Variants in DCAF6 observed in about 807,000 individuals in gnomAD.
DCAF6 encodes DDB1- and CUL4-associated factor 6.
A neutral mutation model predicts 125.1 loss-of-function variants in DCAF6; 54 were observed. The observed-to-expected ratio is 0.43, with a 90% CI of 0.35 to 0.54. The LOEUF (loss-of-function observed/expected upper bound fraction) is 0.54, where lower values mean the gene tolerates loss of function less well. Ranked by LOEUF, DCAF6 falls within the 20% of genes least tolerant of loss-of-function variation. The pLI is 0.01. For missense variants in DCAF6, 934 were observed against 1,161.7 expected, an observed-to-expected ratio of 0.80 and a Z score of 2.85; for synonymous variants, 371 against 390.4, an observed-to-expected ratio of 0.95 and a Z score of 0.58.
intron 5 of DCAF6, among the ~76,000 whole-genome samples, chr1:167,989,797 C>T (rs981996237): frequency 2.0e-5 from 3 of 151,800 alleles, no homozygotes; most frequent in Non-Finnish European, 4.4e-5. Flanking sequence ...TGGAGAATCT[C>T]TTGAACCCAG....
chr1:168,070,034 A>G (rs182464684), intron 21 of DCAF6, among the ~76,000 whole-genome samples: 3 of 152,256 alleles, frequency 2.0e-5, no homozygotes, highest in Admixed American at 2.0e-4. Context: ...CAGAAAATTA[A>G]TTCTCTTTCC....
chr1:167,885,651 C>T, the DCAF6 span, among the ~76,000 whole-genome samples: 8 of 152,050 alleles, frequency 5.3e-5, no homozygotes, highest in African/African-American at 1.9e-4. Flanking sequence ...GAGTCTCACT[C>T]TGTCACCTGG....
chr1:168,045,280 T>A, intron 16 of DCAF6, 53 bp downstream of exon 16: 1 of 1,470,284 alleles, frequency 6.8e-7, no homozygotes, highest in Non-Finnish European at 9.1e-7. Context: ...TCACAAGGAT[T>A]TGTTTGAAGT....
chr1:167,875,039 T>G, the DCAF6 span: 3 of 1,045,246 alleles, frequency 2.9e-6, no homozygotes, highest in South Asian at 3.8e-5. Context: ...TTTGTGATAA[T>G]TCATTAAGCT....
intron 4 of DCAF6, among the ~76,000 whole-genome samples, chr1:167,979,382 T>A (rs1678754777): frequency 6.6e-6 from 1 of 152,182 alleles, no homozygotes. Context: ...CCTTTCTTCC[T>A]TATCCTAGTC....
At chr1:167,911,729 T>C in the DCAF6 span, among the ~76,000 whole-genome samples, 2 of 152,240 alleles carry the variant, frequency 1.3e-5, no homozygotes, top group African/African-American at 2.4e-5. Flanking sequence ...TAAATAAATT[T>C]ATGTTCAAGT....
the DCAF6 span, chr1:167,901,832 TTTG>T: frequency 2.1e-5 from 34 of 1,614,068 alleles, no homozygotes; most frequent in Non-Finnish European, 2.9e-5. Flanking sequence ...GCCGCGGGCT[TTTG>T]ACCTGCCCTG....
intron 10 of DCAF6, among the ~76,000 whole-genome samples, chr1:168,012,000 A>G (rs565403465): frequency 6.6e-6 from 1 of 152,090 alleles, no homozygotes; most frequent in South Asian, 2.1e-4. Flanking sequence ...AAAGAAAGAA[A>G]CAAGTGGAAA....
At chr1:167,927,735 T>G in the DCAF6 span, among the ~76,000 whole-genome samples, 1 of 152,214 alleles carries the variant, frequency 6.6e-6, no homozygotes, top group African/African-American at 2.4e-5. Flanking sequence ...CTAAACTGCC[T>G]AGAGCTAGGT....
intron 16 of DCAF6, among the ~76,000 whole-genome samples, chr1:168,048,318 AAT>A (rs1689393850): frequency 6.6e-6 from 1 of 152,326 alleles, no homozygotes; most frequent in East Asian, 1.9e-4. Flanking sequence ...CCTAAAATTA[AAT>A]ATTATACAAG....
upstream of DCAF6, among the ~76,000 whole-genome samples, chr1:167,933,519 A>C (rs1670973082): frequency 6.6e-6 from 1 of 152,244 alleles, no homozygotes; most frequent in African/African-American, 2.4e-5. Flanking sequence ...GATAAAATTA[A>C]ATCTCAAAAA....
intron 17 of DCAF6, among the ~76,000 whole-genome samples, chr1:168,054,962 A>G (rs1322133070): frequency 6.6e-6 from 1 of 152,042 alleles, no homozygotes; most frequent in East Asian, 1.9e-4. Context: ...GGCTACAGGC[A>G]TGTGCCACCA....
At chr1:167,972,656 T>G (rs1449679512) in intron 3 of DCAF6, among the ~76,000 whole-genome samples, 1 of 152,188 alleles carries the variant, frequency 6.6e-6, no homozygotes, top group Non-Finnish European at 1.5e-5. Context: ...TATTTTGGCA[T>G]GGCTCTGCTG....
At chr1:168,041,523 T>A (rs1688528150) in intron 13 of DCAF6, among the ~76,000 whole-genome samples, 1 of 152,038 alleles carries the variant, frequency 6.6e-6, no homozygotes, top group Non-Finnish European at 1.5e-5. Flanking sequence ...AAAAACTGTA[T>A]ATTCCTTCTA....
the DCAF6 span, among the ~76,000 whole-genome samples, chr1:167,872,623 C>A: frequency 6.6e-6 from 1 of 151,640 alleles, no homozygotes; most frequent in Non-Finnish European, 1.5e-5. Flanking sequence ...GTTGCAATTT[C>A]ATTTATAGCA....
intron 3 of DCAF6, among the ~76,000 whole-genome samples, chr1:167,971,728 A>C (rs1677338315): frequency 6.6e-6 from 1 of 152,196 alleles, no homozygotes; most frequent in Non-Finnish European, 1.5e-5. Context: ...TCTCAGATTA[A>C]GTTACTCTGG....
the DCAF6 span, among the ~76,000 whole-genome samples, chr1:167,922,828 C>T: frequency 3.3e-5 from 5 of 152,222 alleles, no homozygotes; most frequent in Admixed American, 6.5e-5. Context: ...AAGAGAATTA[C>T]AACAGCCCAT....
intron 7 of DCAF6, among the ~76,000 whole-genome samples, chr1:168,000,071 G>C (rs1170278036): frequency 6.6e-6 from 1 of 152,136 alleles, no homozygotes; most frequent in Admixed American, 6.6e-5. Flanking sequence ...AGAGACCATT[G>C]TAGGGTTATT....
chr1:168,074,105 T>C (rs1445071538), intron 21 of DCAF6, among the ~76,000 whole-genome samples: 1 of 151,790 alleles, frequency 6.6e-6, no homozygotes. Context: ...CATTATGTCA[T>C]TGGTTTGACA....
Sources: allele counts gnomAD v4.1 joint callset (sites outside exome capture counted in the v4.1 genomes callset), GRCh38; gene constraint gnomAD v4.1.1; transcripts MANE v1.5; gene names NCBI Gene and HGNC (gene_info 2026-07-23, HGNC 2026-07-21).